The following DCAF6 variants were observed in gnomAD, a reference collection of about 807,000 sequenced individuals.
DCAF6 encodes DDB1- and CUL4-associated factor 6.
In DCAF6, 54 loss-of-function variants were observed where a neutral mutation model predicts 125.1. That is an observed-to-expected ratio of 0.43 (90% confidence interval 0.35 to 0.54). The LOEUF is 0.54. Ranked by LOEUF, DCAF6 falls within the 20% of genes least tolerant of loss-of-function variation. The pLI is 0.01. For missense variants in DCAF6, 934 were observed against 1,161.7 expected, an observed-to-expected ratio of 0.80 and a Z score of 2.85; for synonymous variants, 371 against 390.4, an observed-to-expected ratio of 0.95 and a Z score of 0.58.
At chr1:167,891,976 C>CTT in the DCAF6 span, among the ~76,000 whole-genome samples, 19 of 140,044 alleles carry the variant, frequency 1.4e-4, no homozygotes, top group African/African-American at 2.9e-4. Flanking sequence ...TTTTTCTTTT[C>CTT]TTTTTTTTTT....
chr1:167,931,587 C>A (rs1012099869), upstream of DCAF6, among the ~76,000 whole-genome samples: 3 of 151,824 alleles, frequency 2.0e-5, no homozygotes, highest in East Asian at 5.8e-4. Context: ...CTTAGACTGG[C>A]ATTAAGATTC....
rs1671379109 is a variant in DCAF6 at position 167,937,114 on chromosome 1, C to A, written c.97+106C>A. ...GTGGGACGGCGTCTCGGTGGGGGCG[C>A]CCGGAGACTCTGGGGTGTTGGGTGG... On this transcript the variant is annotated intron_variant, in intron 1 of 21. Transcript: ENST00000367840. 4.3e-6 allele frequency: 4 copies of A among 933,822 alleles called. No homozygotes were observed. In the South Asian group the frequency reaches 6.0e-5, roughly 14 times the overall value. The allele number at this position is 933,822 out of a possible 1,614,324, so 57.8% of individuals were successfully genotyped here.
chr1:168,017,049 T>A (rs1254596562), intron 11 of DCAF6, among the ~76,000 whole-genome samples: 3 of 151,982 alleles, frequency 2.0e-5, no homozygotes, highest in Non-Finnish European at 2.9e-5. Flanking sequence ...ATAGATATGA[T>A]GTTTGGGATA....
the DCAF6 span, chr1:167,902,122 T>C: frequency 6.9e-7 from 1 of 1,445,122 alleles, no homozygotes; most frequent in South Asian, 1.2e-5. Flanking sequence ...CATCATTCTT[T>C]CTTAGTGGAA....
the DCAF6 span, chr1:167,875,321 G>A: frequency 0.015 from 12,494 of 832,048 alleles, 939 homozygotes; most frequent in African/African-American, 0.17. Flanking sequence ...CTCACGGGTC[G>A]CAAACGCCAA....
intron 4 of DCAF6, among the ~76,000 whole-genome samples, chr1:167,976,993 T>C (rs1678336812): frequency 7.2e-6 from 1 of 139,500 alleles, no homozygotes; most frequent in Non-Finnish European, 1.5e-5. Flanking sequence ...AACCTCTGCC[T>C]CCTGGGTTCA....
the DCAF6 span, chr1:167,899,437 G>C: frequency 4.3e-6 from 7 of 1,614,206 alleles, no homozygotes; most frequent in Non-Finnish European, 5.9e-6. Context: ...ACTGCTCTCT[G>C]ATCTGGAACA....
intron 13 of DCAF6, among the ~76,000 whole-genome samples, chr1:168,040,887 T>TA (rs59960933): frequency 0.02 from 2,337 of 115,014 alleles, 52 homozygotes; most frequent in African/African-American, 0.055. Flanking sequence ...ACATTCATTG[T>TA]AAAAAAAAAA....
chr1:167,869,350 G>T, the DCAF6 span, among the ~76,000 whole-genome samples: 493 of 152,214 alleles, frequency 3.2e-3, 4 homozygotes, highest in African/African-American at 0.012. Context: ...TCAATCTATT[G>T]CACAAGAAGG....
intron 12 of DCAF6, among the ~76,000 whole-genome samples, chr1:168,030,031 G>A (rs1490274783): frequency 6.6e-6 from 1 of 151,718 alleles, no homozygotes; most frequent in Non-Finnish European, 1.5e-5. Context: ...CAGCTAGTAA[G>A]CGTTAGAAAC....
intron 17 of DCAF6, among the ~76,000 whole-genome samples, chr1:168,055,749 G>A (rs1306567519): frequency 9.5e-6 from 1 of 105,818 alleles, no homozygotes; most frequent in Admixed American, 1.1e-4. Flanking sequence ...AAGTTAAAGG[G>A]CATTTTCTTT....
the DCAF6 span, among the ~76,000 whole-genome samples, chr1:167,925,448 T>C: frequency 9.7e-4 from 100 of 103,214 alleles, 1 homozygote; most frequent in South Asian, 3.5e-3. Context: ...TACACATATA[T>C]ATATATATAT....
At chr1:168,068,837 G>A (rs1270219353) in intron 21 of DCAF6, among the ~76,000 whole-genome samples, 1 of 152,076 alleles carries the variant, frequency 6.6e-6, no homozygotes, top group African/African-American at 2.4e-5. Context: ...ACATACCTCA[G>A]TTTGCTTTTT....
the DCAF6 span, among the ~76,000 whole-genome samples, chr1:167,912,936 G>A: frequency 1.3e-5 from 2 of 152,194 alleles, no homozygotes; most frequent in African/African-American, 2.4e-5. Flanking sequence ...CCAGGTCTGT[G>A]GGACTTGAAA....
At chr1:167,957,347 C>T (rs1290889917) in intron 2 of DCAF6, among the ~76,000 whole-genome samples, 1 of 152,050 alleles carries the variant, frequency 6.6e-6, no homozygotes, top group Non-Finnish European at 1.5e-5. Context: ...ATAAATGGAA[C>T]CATACAATAT....
intron 12 of DCAF6, among the ~76,000 whole-genome samples, chr1:168,037,430 A>G (rs1211584813): frequency 6.6e-6 from 1 of 152,166 alleles, no homozygotes; most frequent in Non-Finnish European, 1.5e-5. Context: ...TCTGCAAGCA[A>G]CTGGCAGAAA....
chr1:168,050,405 G>A (rs912906491), intron 16 of DCAF6, among the ~76,000 whole-genome samples: 16 of 152,234 alleles, frequency 1.1e-4, no homozygotes, highest in African/African-American at 3.6e-4. Context: ...AGAGAGAAAA[G>A]ATGTACTCAA....
intron 12 of DCAF6, among the ~76,000 whole-genome samples, chr1:168,037,044 G>C (rs1002049570): frequency 8.7e-5 from 13 of 149,828 alleles, no homozygotes; most frequent in Middle Eastern, 3.6e-3. Context: ...TTGAAGTCTT[G>C]TTAATTGTCC....
intron 12 of DCAF6, among the ~76,000 whole-genome samples, chr1:168,031,174 C>T (rs944916681): frequency 6.6e-6 from 1 of 152,042 alleles, no homozygotes; most frequent in African/African-American, 2.4e-5. Flanking sequence ...GGAATTTTAA[C>T]TAGGATGAAA....
Sources: allele counts gnomAD v4.1 joint callset (sites outside exome capture counted in the v4.1 genomes callset), GRCh38; gene constraint gnomAD v4.1.1; transcripts MANE v1.5; gene names NCBI Gene and HGNC (gene_info 2026-07-23, HGNC 2026-07-21).